Variants in MAP3K20 observed in about 807,000 individuals in gnomAD.
The protein encoded by MAP3K20 is HCCS-4.
In MAP3K20, 40 loss-of-function variants were observed where a neutral mutation model predicts 85.7. That is an observed-to-expected ratio of 0.47 (90% CI 0.36 to 0.61). The LOEUF is 0.61. MAP3K20 is among the 20% of genes least tolerant of loss of function. The pLI, the probability that MAP3K20 is intolerant of heterozygous loss-of-function variation, is 0.00. For synonymous variants in MAP3K20, 325 were observed against 327.7 expected, an observed-to-expected ratio of 0.99 and a Z score of 0.09; for missense variants, 817 against 961.7, an observed-to-expected ratio of 0.85 and a Z score of 1.99.
chr2:173,158,422 G>C (rs984371807), intron 2 of MAP3K20, among the ~76,000 whole-genome samples: 1 of 152,136 alleles, frequency 6.6e-6, no homozygotes, highest in African/African-American at 2.4e-5. Flanking sequence ...AGGCAAGTAA[G>C]CTTGAGAAAA....
chr2:173,208,848 GCAT>G (rs1683780005), intron 9 of MAP3K20, among the ~76,000 whole-genome samples: 1 of 152,184 alleles, frequency 6.6e-6, no homozygotes. Flanking sequence ...GAGAGAATGT[GCAT>G]CATCCTTTTT....
At position 173,261,018 on chromosome 2, in the gene MAP3K20, C is replaced by A. The variant is rs968185887; in HGVS notation, c.1477-45C>A. 9 of 1,572,178 alleles carry A rather than the reference C, an allele frequency of 5.7e-6. No homozygotes were observed. The African/African-American group carries it at 1.1e-4, about 19-fold the overall frequency. On this transcript the variant is annotated intron_variant, in intron 17 of 19. Transcript: ENST00000375213. ...CTCAAAGAAACATACTATAGTAGAG[C>A]AGACTGTGTTATGGTACTACACCAT...
At position 173,121,472 on chromosome 2, in the gene MAP3K20, T is replaced by C. The variant is rs1039320205; in HGVS notation, c.159+30282T>C. Among the ~76,000 whole-genome samples, 13 of 152,244 alleles carry C rather than the reference T, an allele frequency of 8.5e-5. No homozygotes were observed. The South Asian group carries it at 1.7e-3, about 19-fold the overall frequency. ...GGCAATCTCGGCTCACTGTAAGCTC[T>C]GCCTCCCGGGTTCACGCCATTCTCC... On this transcript the variant is annotated intron_variant, in intron 2 of 19. Coordinates refer to ENST00000375213, the MANE Select transcript of MAP3K20 (RefSeq NM_016653.3).
At chr2:173,089,451 A>G (rs1007453705) in intron 1 of MAP3K20, among the ~76,000 whole-genome samples, 1 of 152,160 alleles carries the variant, frequency 6.6e-6, no homozygotes, top group Non-Finnish European at 1.5e-5. Flanking sequence ...CAAAAATACC[A>G]TTATTTGCCA....
rs80233886 is a variant in MAP3K20, at chr2:173,225,933, A to T, written c.988-3756A>T. 3.7e-3 allele frequency: 3,616 copies of T among 984,926 alleles called. 108 individuals are homozygous for T. The African/African-American group carries it at 0.057, about 16-fold the overall frequency. The allele number at this position is 984,926 out of a possible 1,614,324, so 61.0% of individuals were successfully genotyped here. ...TAAAAAAAAAAAAGAAAAAAAACTC[A>T]TTGAGATAGCTACAGTTCTATAGGT... On this transcript the variant is annotated intron_variant, in intron 11 of 19. Coordinates refer to ENST00000375213, the MANE Select transcript of MAP3K20 (RefSeq NM_016653.3).
intron 2 of MAP3K20, among the ~76,000 whole-genome samples, chr2:173,142,268 C>A (rs1003476149): frequency 6.6e-6 from 1 of 151,922 alleles, no homozygotes; most frequent in Non-Finnish European, 1.5e-5. Context: ...GTCAGGAGAT[C>A]GAGACCATCC....
At chr2:173,106,288 G>C (rs1687781321) in intron 2 of MAP3K20, among the ~76,000 whole-genome samples, 1 of 152,172 alleles carries the variant, frequency 6.6e-6, no homozygotes, top group African/African-American at 2.4e-5. Flanking sequence ...AAACTTATTT[G>C]ATGGCTTACC....
chr2:173,218,408 A>T (rs1684138862), intron 11 of MAP3K20, among the ~76,000 whole-genome samples: 1 of 152,244 alleles, frequency 6.6e-6, no homozygotes, highest in South Asian at 2.1e-4. Context: ...TTGAATTGCT[A>T]TCCCTAACAC....
chr2:173,091,307 C>T, intron 2 of MAP3K20, 117 bp downstream of exon 2: 2 of 990,396 alleles, frequency 2.0e-6, no homozygotes, highest in Admixed American at 2.9e-5. Flanking sequence ...TGGGACTGAT[C>T]CACGAGGCCG....
chr2:173,076,542 C>T (rs1173710174), intron 1 of MAP3K20, among the ~76,000 whole-genome samples: 4 of 152,268 alleles, frequency 2.6e-5, no homozygotes, highest in Non-Finnish European at 4.4e-5. Context: ...CGACCGCGAG[C>T]GGTGTTGCTT....
At chr2:173,133,373 T>C (rs1405536387) in intron 2 of MAP3K20, among the ~76,000 whole-genome samples, 2 of 152,158 alleles carry the variant, frequency 1.3e-5, no homozygotes, top group Non-Finnish European at 2.9e-5. Flanking sequence ...TAACTGTAAC[T>C]GAAAGGACCC....
At chr2:173,154,443 C>T (rs1179203542) in intron 2 of MAP3K20, among the ~76,000 whole-genome samples, 1 of 152,184 alleles carries the variant, frequency 6.6e-6, no homozygotes, top group East Asian at 1.9e-4. Context: ...CTCAGCCTCC[C>T]AAAGTGCTGG....
chr2:173,077,620 G>GT (rs1431401234), intron 1 of MAP3K20, among the ~76,000 whole-genome samples: 2 of 152,098 alleles, frequency 1.3e-5, no homozygotes, highest in African/African-American at 4.8e-5. Flanking sequence ...TATTTGGGGA[G>GT]TTTTTTAACT....
chr2:173,114,255 G>A (rs753247693), intron 2 of MAP3K20, among the ~76,000 whole-genome samples: 2 of 151,792 alleles, frequency 1.3e-5, no homozygotes, highest in African/African-American at 2.4e-5. Context: ...CTTTTTCCAC[G>A]CCTTTACTTT....
intron 12 of MAP3K20, among the ~76,000 whole-genome samples, chr2:173,230,310 T>C (rs1007400242): frequency 6.6e-6 from 1 of 151,990 alleles, no homozygotes; most frequent in African/African-American, 2.4e-5. Context: ...CAAATGAACA[T>C]ACTTGAAAAA....
chr2:173,176,274 A>G (rs1476345833), intron 3 of MAP3K20, among the ~76,000 whole-genome samples: 1 of 152,040 alleles, frequency 6.6e-6, no homozygotes, highest in African/African-American at 2.4e-5. Flanking sequence ...CATTCAACTT[A>G]TGGTTTTTCT....
At chr2:173,181,889 A>C (rs1308060860) in intron 3 of MAP3K20, among the ~76,000 whole-genome samples, 2 of 12,256 alleles carry the variant, frequency 1.6e-4, no homozygotes, top group East Asian at 0.015. Context: ...TCTCTACCAA[A>C]AAAAAAAAAA....
At position 173,256,522 on chromosome 2, in the gene MAP3K20, T is replaced by TAGACAGACAGACAGACAGAC. The variant is rs1230285380; in HGVS notation, c.1360-2174_1360-2173insCAGACAGACAGACAGACAGA. 2.2e-4 allele frequency among the ~76,000 whole-genome samples: 17 copies of TAGACAGACAGACAGACAGAC among 76,358 alleles called. 1 individual carries two copies. The highest frequency in any genetic ancestry group is 1.2e-3 in the Admixed American group (11 of 9,228). The allele number at this position is 76,358 out of a possible 152,430, so 50.1% of individuals were successfully genotyped here. Reference sequence around the variant, plus strand: ...ATAGATAGATAGATAGATAGATAGATAGATAGATAGACAGACAGACAGACA... The same window carrying TAGACAGACAGACAGACAGAC: ...ATAGATAGATAGATAGATAGATAGATAGACAGACAGACAGACAGACAGATAGATAGACAGACAGACAGACA... On this transcript the variant is annotated intron_variant, in intron 16 of 19. Transcript: ENST00000375213.
chr2:173,263,991 AT>A (rs1432483972), intron 19 of MAP3K20, 96 bp downstream of exon 19: 215 of 1,451,540 alleles, frequency 1.5e-4, no homozygotes, highest in Admixed American at 3.7e-4. Flanking sequence ...TACCACCTCA[AT>A]CAGTTAAGAT....
Sources: gnomAD v4.1 joint callset for allele counts (sites outside exome capture counted in the v4.1 genomes callset) on GRCh38, gnomAD v4.1.1 for gene constraint, MANE v1.5 for transcripts, NCBI Gene and HGNC (gene_info 2026-07-23, HGNC 2026-07-21) for gene names.